ROBO2: variants seen among roughly 807,000 people sequenced by gnomAD.
ROBO2 encodes the protein roundabout guidance receptor 2.
A neutral mutation model predicts 160.8 loss-of-function variants in ROBO2; 53 were observed. The ratio of observed to expected loss-of-function variants is 0.33; its 90% confidence interval spans 0.26 to 0.41. The LOEUF (loss-of-function observed/expected upper bound fraction) is 0.41, where lower values mean the gene tolerates loss of function less well. ROBO2 is among the 10% of genes least tolerant of loss of function. The pLI, the probability that ROBO2 is intolerant of heterozygous loss-of-function variation, is 1.00. For missense variants in ROBO2, 1,577 were observed against 1,722.4 expected, an observed-to-expected ratio of 0.92 and a Z score of 1.49; for synonymous variants, 664 against 611.7, an observed-to-expected ratio of 1.09 and a Z score of -1.26.
chr3:77,039,099 C>T (rs189688605), upstream of ROBO2, among the ~76,000 whole-genome samples: 1 of 152,222 alleles, frequency 6.6e-6, no homozygotes, highest in African/African-American at 2.4e-5. Context: ...GAGGGGCTGC[C>T]TCCCCTTCCT....
At chr3:76,144,623 T>C (rs1384356726) in intron 2 of ROBO2, among the ~76,000 whole-genome samples, 1 of 152,086 alleles carries the variant, frequency 6.6e-6, no homozygotes, top group Non-Finnish European at 1.5e-5. Context: ...ATGCAAAAGA[T>C]AATGAACAAT....
At chr3:76,093,856 T>C (rs1298755908) in intron 2 of ROBO2, among the ~76,000 whole-genome samples, 1 of 152,172 alleles carries the variant, frequency 6.6e-6, no homozygotes, top group East Asian at 1.9e-4. Flanking sequence ...TATCAACTTT[T>C]AGAATAAAAG....
At chr3:75,992,676 T>C (rs1390302358) in intron 2 of ROBO2, among the ~76,000 whole-genome samples, 4 of 152,128 alleles carry the variant, frequency 2.6e-5, no homozygotes, top group African/African-American at 4.8e-5. Flanking sequence ...GAACTCAGAA[T>C]GGTAGATCCA....
At chr3:76,270,781 T>G (rs1707384208) in intron 2 of ROBO2, among the ~76,000 whole-genome samples, 1 of 152,058 alleles carries the variant, frequency 6.6e-6, no homozygotes, top group Non-Finnish European at 1.5e-5. Flanking sequence ...ATAAGTAATG[T>G]GAAATAGTTT....
chr3:76,270,390 G>C (rs75380146), intron 2 of ROBO2, among the ~76,000 whole-genome samples: 11,633 of 151,954 alleles, frequency 0.077, 832 homozygotes, highest in East Asian at 0.23. Flanking sequence ...ATATATTGCA[G>C]CAAAGATAAA....
chr3:77,074,435 C>T lies in ROBO2; in HGVS notation c.62-23579C>T, dbSNP rs973575427. 2.0e-5 allele frequency among the ~76,000 whole-genome samples: 3 copies of T among 152,240 alleles called. No individual in the cohort carries two copies. The South Asian group carries it at 6.2e-4, about 32-fold the overall frequency. On this transcript the variant is annotated intron_variant, in intron 1 of 25. Transcript: ENST00000461745. Reference sequence around the variant, plus strand: ...GAACACTAATGCAATTAGTACATCCCTGAGAGGGTCTTTGTATTTATCTAT... The same window carrying T: ...GAACACTAATGCAATTAGTACATCCTTGAGAGGGTCTTTGTATTTATCTAT...
chr3:76,808,501 AC>A (rs2108954073), intron 2 of ROBO2, among the ~76,000 whole-genome samples: 1 of 152,288 alleles, frequency 6.6e-6, no homozygotes, highest in Non-Finnish European at 1.5e-5. Flanking sequence ...AAAGAAGAAG[AC>A]AAAAAATAAG....
At chr3:76,221,947 G>A (rs929023443) in intron 2 of ROBO2, among the ~76,000 whole-genome samples, 1 of 152,162 alleles carries the variant, frequency 6.6e-6, no homozygotes, top group Non-Finnish European at 1.5e-5. Flanking sequence ...CATAGTGGAA[G>A]CAGTCTAATG....
chr3:76,962,655 A>C (rs2079758706), intron 2 of ROBO2, among the ~76,000 whole-genome samples: 2 of 151,142 alleles, frequency 1.3e-5, no homozygotes, highest in African/African-American at 4.9e-5. Context: ...AAAAAAAAAA[A>C]AAAAAGCTAG....
At chr3:76,073,158 G>T (rs984449743) in intron 2 of ROBO2, among the ~76,000 whole-genome samples, 1 of 149,982 alleles carries the variant, frequency 6.7e-6, no homozygotes, top group Admixed American at 6.7e-5. Context: ...CCATAATTAA[G>T]TCTAGTATCA....
chr3:77,622,096 T>C, intron 22 of ROBO2, 131 bp from the exon 24 acceptor site: 1 of 766,806 alleles, frequency 1.3e-6, no homozygotes, highest in South Asian at 1.8e-5. Flanking sequence ...GAAAGCATTA[T>C]GAACTCCTAA....
chr3:76,431,048 G>A (rs1439481758), intron 2 of ROBO2, among the ~76,000 whole-genome samples: 1 of 151,922 alleles, frequency 6.6e-6, no homozygotes, highest in Non-Finnish European at 1.5e-5. Flanking sequence ...AGGGGGTTTT[G>A]TTCATTAAAT....
At chr3:76,455,081 A>G (rs1034984933) in intron 2 of ROBO2, among the ~76,000 whole-genome samples, 17 of 152,184 alleles carry the variant, frequency 1.1e-4, no homozygotes, top group Admixed American at 5.2e-4. Context: ...GTGTTTAAGA[A>G]AAACATAAAG....
intron 2 of ROBO2, among the ~76,000 whole-genome samples, chr3:77,152,751 C>A (rs1462640355): frequency 6.6e-6 from 1 of 152,200 alleles, no homozygotes; most frequent in Non-Finnish European, 1.5e-5. Context: ...GACATAGATT[C>A]TTTTCCAAAC....
At chr3:76,314,633 C>T (rs529756797) in intron 2 of ROBO2, among the ~76,000 whole-genome samples, 1 of 152,156 alleles carries the variant, frequency 6.6e-6, no homozygotes, top group East Asian at 1.9e-4. Context: ...TTATGATGCT[C>T]CACTTTCACT....
intron 2 of ROBO2, among the ~76,000 whole-genome samples, chr3:76,157,044 A>T (rs373611749): frequency 7.9e-5 from 12 of 152,164 alleles, no homozygotes. Context: ...GTGTGTGGAT[A>T]TACAAAATTC....
chr3:75,995,079 A>T (rs551242027), intron 2 of ROBO2, among the ~76,000 whole-genome samples: 1 of 152,312 alleles, frequency 6.6e-6, no homozygotes, highest in East Asian at 1.9e-4. Context: ...TTGCAGCCTG[A>T]CAATGTGATA....
chr3:77,310,092 T>G (rs1455730509), intron 2 of ROBO2, among the ~76,000 whole-genome samples: 1 of 152,150 alleles, frequency 6.6e-6, no homozygotes, highest in Admixed American at 6.6e-5. Context: ...TTAGATCCCC[T>G]CCTAGGGTTT....
intron 2 of ROBO2, among the ~76,000 whole-genome samples, chr3:77,428,370 A>G (rs540696900): frequency 8.8e-5 from 8 of 90,858 alleles, no homozygotes; most frequent in Non-Finnish European, 1.6e-4. Flanking sequence ...TTTTTTTGAG[A>G]CGGAGTCTCG....
Sources: gnomAD v4.1 joint callset for allele counts (sites outside exome capture counted in the v4.1 genomes callset) on GRCh38, gnomAD v4.1.1 for gene constraint, MANE v1.5 for transcripts, NCBI Gene and HGNC (gene_info 2026-07-23, HGNC 2026-07-21) for gene names.